The following TFB2M variants were observed in gnomAD, a reference collection of about 807,000 sequenced individuals.
TFB2M encodes the protein transcription factor B2, mitochondrial.
In TFB2M, 44 loss-of-function variants were observed where a neutral mutation model predicts 41.3. The ratio of observed to expected loss-of-function variants is 1.07; its 90% confidence interval spans 0.84 to 1.37. The LOEUF (loss-of-function observed/expected upper bound fraction) is 1.37, where lower values mean the gene tolerates loss of function less well. Ranked by LOEUF, TFB2M falls within the 40% of genes most tolerant of loss-of-function variation. The pLI, the probability that TFB2M is intolerant of heterozygous loss-of-function variation, is 0.00. For missense variants in TFB2M, 496 were observed against 490.2 expected, an observed-to-expected ratio of 1.01 and a Z score of -0.11; for synonymous variants, 188 against 176.8, an observed-to-expected ratio of 1.06 and a Z score of -0.50.
At position 246,544,521 on chromosome 1, in the gene TFB2M, CG is replaced by C; in HGVS notation, c.1018del (p.Arg340ValfsTer3). ...RRSATVIDHL[R>X]SLTPLDARDI... ...ACTTGCTTTTATTCTTTTTACTCACCGTAAGTGGTCTATTACAGTGGCGCTG... is the reference window on the plus strand; with the variant it reads ...ACTTGCTTTTATTCTTTTTACTCACCTAAGTGGTCTATTACAGTGGCGCTG... On this transcript the variant is annotated frameshift_variant and splice_region_variant, in exon 7 of 8. Transcript: ENST00000366514. LOFTEE classifies it low-confidence loss of function (END_TRUNC). 1 of 1,592,566 alleles carries C rather than the reference CG, an allele frequency of 6.3e-7. No individual in the cohort carries two copies. The highest frequency in any genetic ancestry group is 8.5e-7 in the Non-Finnish European group (1 of 1,174,486).
intron 4 of TFB2M, among the ~76,000 whole-genome samples, chr1:246,551,728 A>G (rs1659190320): frequency 6.6e-6 from 1 of 152,236 alleles, no homozygotes; most frequent in Non-Finnish European, 1.5e-5. Context: ...GGCTGACTTG[A>G]AAGGACGAGG....
At chr1:246,549,627 A>G (rs1659116809) in intron 5 of TFB2M, among the ~76,000 whole-genome samples, 1 of 152,200 alleles carries the variant, frequency 6.6e-6, no homozygotes, top group African/African-American at 2.4e-5. Context: ...TCTATTAAAA[A>G]AACTATACAT....
intron 2 of TFB2M, among the ~76,000 whole-genome samples, chr1:246,562,948 G>A (rs567291992): frequency 1.3e-5 from 2 of 152,174 alleles, no homozygotes; most frequent in South Asian, 2.1e-4. Flanking sequence ...GTGAGCCACC[G>A]CGCCCGGCCC....
chr1:246,551,284 C>T lies in TFB2M; in HGVS notation c.724G>A (p.Gly242Arg), dbSNP rs776235911. 2.0e-5 allele frequency: 32 copies of T among 1,612,792 alleles called. No individual in the cohort carries two copies. Among genetic ancestry groups the T allele is most frequent in the East Asian group, 1.3e-4 (6 of 44,900 alleles). ...KEFQKLMADP[G>R]NPDLYHVLSV... ...AATACATGATACAAGTCTGGATTTC[C>T]GGGATCTGCCATTAGTTTCTAGTAA... The change falls in exon 5 of 8, where the codon GGA becomes AGA. Residue 242 changes from glycine (G) to arginine (R), a missense_variant. Coordinates refer to ENST00000366514, the MANE Select transcript of TFB2M (RefSeq NM_022366.3).
At chr1:246,553,210 G>C (rs1238324202) in intron 4 of TFB2M, among the ~76,000 whole-genome samples, 1 of 151,342 alleles carries the variant, frequency 6.6e-6, no homozygotes, top group Non-Finnish European at 1.5e-5. Flanking sequence ...GACAGAGCAA[G>C]ACTCCGTCTA....
chr1:246,562,563 C>T (rs1329125612), intron 2 of TFB2M, among the ~76,000 whole-genome samples: 1 of 152,064 alleles, frequency 6.6e-6, no homozygotes, highest in Non-Finnish European at 1.5e-5. Context: ...AGTGAAAATG[C>T]AGGTATACAA....
intron 1 of TFB2M, among the ~76,000 whole-genome samples, chr1:246,565,206 G>A (rs1659585172): frequency 6.6e-6 from 1 of 152,206 alleles, no homozygotes; most frequent in African/African-American, 2.4e-5. Flanking sequence ...ATCCTGCTAT[G>A]GTCTATAGGG....
intron 1 of TFB2M, among the ~76,000 whole-genome samples, chr1:246,565,070 C>T (rs143668742): frequency 2.0e-5 from 3 of 152,272 alleles, no homozygotes; most frequent in East Asian, 1.9e-4. Context: ...CACTTCCTCA[C>T]GGACTACACG....
chr1:246,541,231 T>G, intron 7 of TFB2M, 29 bp from the exon 8 acceptor site: 5 of 1,601,320 alleles, frequency 3.1e-6, no homozygotes, highest in Non-Finnish European at 4.3e-6. Flanking sequence ...GTAAATGTAC[T>G]TAATTCTTTC....
intron 2 of TFB2M, among the ~76,000 whole-genome samples, chr1:246,562,350 G>A (rs1225599518): frequency 3.9e-5 from 6 of 152,172 alleles, no homozygotes; most frequent in Admixed American, 2.6e-4. Flanking sequence ...TCATTGTTAC[G>A]TAAATGTGTC....
At chr1:246,553,307 G>A (rs915895919) in intron 4 of TFB2M, among the ~76,000 whole-genome samples, 4 of 152,104 alleles carry the variant, frequency 2.6e-5, no homozygotes, top group South Asian at 2.1e-4. Context: ...CACTACCAAC[G>A]GACAATTCGA....
chr1:246,540,852 TAGC>T lies in TFB2M; in HGVS notation c.*176_*178del, dbSNP rs1658833380. 1 of 492,648 alleles carries T rather than the reference TAGC, an allele frequency of 2.0e-6. No individual in the cohort carries two copies. The highest frequency in any genetic ancestry group is 3.5e-6 in the Non-Finnish European group (1 of 283,618). 30.5% of individuals were successfully genotyped at this position (492,648 alleles called of 1,614,324 possible). A position where few individuals can be genotyped will look rare whatever the true frequency, so the allele number is the denominator to read the frequency against. ...TCATTTTATTCAATTGTGAATAAAA[TAGC>T]AGACACTGTTTCATCCAATAAGCCA... On this transcript the variant is annotated 3_prime_UTR_variant, in exon 8 of 8. Transcript: ENST00000366514.
intron 1 of TFB2M, among the ~76,000 whole-genome samples, chr1:246,565,215 G>A (rs747460639): frequency 2.6e-5 from 4 of 152,226 alleles, no homozygotes; most frequent in African/African-American, 9.7e-5. Flanking sequence ...TGGTCTATAG[G>A]GAATGCACGG....
Position 246,550,346 on chromosome 1 carries a change from G to A in TFB2M, c.795+867C>T, listed in dbSNP as rs191392264. The stretch of plus-strand genomic sequence containing the variant: ...TGAAGACTAAGTGTGAAGAGATTCT[G>A]GGAATGGAGAAAAATGATGAGAGCA... On this transcript the variant is annotated intron_variant, in intron 5 of 7. Transcript: ENST00000366514. Among the ~76,000 whole-genome samples the A allele has an allele frequency of 2.6e-5, 4 of 152,226 alleles. No homozygotes were observed. In the East Asian group the frequency reaches 5.8e-4, roughly 22 times the overall value.
chr1:246,541,830 G>C (rs918448426), intron 7 of TFB2M, among the ~76,000 whole-genome samples: 8 of 152,300 alleles, frequency 5.3e-5, no homozygotes, highest in Non-Finnish European at 8.8e-5. Flanking sequence ...TTTACAAAGA[G>C]GGAATCATTT....
At chr1:246,559,201 A>C (rs1659395295) in intron 2 of TFB2M, among the ~76,000 whole-genome samples, 1 of 152,078 alleles carries the variant, frequency 6.6e-6, no homozygotes, top group African/African-American at 2.4e-5. Flanking sequence ...CTCCTGTCTC[A>C]GCCTCCTAAG....
intron 2 of TFB2M, 98 bp from the exon 3 acceptor site, chr1:246,557,632 T>A: frequency 1.0e-6 from 1 of 990,048 alleles, no homozygotes; most frequent in Non-Finnish European, 1.4e-6. Flanking sequence ...TAATAAAATG[T>A]AAAAATAAAA....
At chr1:246,552,018 T>C (rs945683794) in intron 4 of TFB2M, among the ~76,000 whole-genome samples, 3 of 152,294 alleles carry the variant, frequency 2.0e-5, no homozygotes, top group South Asian at 2.1e-4. Context: ...TCCTAATCCA[T>C]AGCAATACAA....
intron 6 of TFB2M, among the ~76,000 whole-genome samples, chr1:246,545,079 T>G (rs540406462): frequency 1.2e-4 from 18 of 152,214 alleles, no homozygotes; most frequent in African/African-American, 3.1e-4. Flanking sequence ...GTGCTGGGAT[T>G]ACAGGCGTGA....
Sources: allele counts gnomAD v4.1 joint callset (sites outside exome capture counted in the v4.1 genomes callset), GRCh38; gene constraint gnomAD v4.1.1; transcripts MANE v1.5; gene names NCBI Gene and HGNC (gene_info 2026-07-23, HGNC 2026-07-21).